Variants in GABRB3 observed in about 807,000 individuals in gnomAD.
The protein encoded by GABRB3 is gamma-aminobutyric acid receptor subunit beta-3.
Under a neutral mutation model 52.1 loss-of-function variants are expected in GABRB3, and 14 were observed. The observed-to-expected ratio is 0.27, with a 90% CI of 0.18 to 0.42. The LOEUF is 0.42. GABRB3 is among the 10% of genes least tolerant of loss of function. The pLI is 1.00. For synonymous variants in GABRB3, 260 were observed against 232.3 expected, an observed-to-expected ratio of 1.12 and a Z score of -1.08; for missense variants, 307 against 609.1, an observed-to-expected ratio of 0.50 and a Z score of 5.22.
intron 3 of GABRB3, among the ~76,000 whole-genome samples, chr15:26,726,021 C>T (rs1426555040): frequency 1.3e-5 from 2 of 152,138 alleles, no homozygotes; most frequent in Non-Finnish European, 2.9e-5. Flanking sequence ...CATTTTACTC[C>T]TCATTGTGGG....
At chr15:26,747,822 A>G (rs1472534930) in intron 3 of GABRB3, among the ~76,000 whole-genome samples, 1 of 152,098 alleles carries the variant, frequency 6.6e-6, no homozygotes, top group Non-Finnish European at 1.5e-5. Context: ...TGACAGCTGT[A>G]GGATTTTTGT....
chr15:26,555,934 G>T (rs983658203), intron 8 of GABRB3, among the ~76,000 whole-genome samples: 3 of 151,920 alleles, frequency 2.0e-5, no homozygotes, highest in Non-Finnish European at 2.9e-5. Flanking sequence ...AGAACTAAAG[G>T]GTTACTAAAA....
chr15:26,624,826 GC>G, intron 3 of GABRB3: 1 of 985,398 alleles, frequency 1.0e-6, no homozygotes, highest in East Asian at 1.1e-4. Flanking sequence ...CTCTCGTGCA[GC>G]CGGGAGTAGC....
chr15:26,656,041 A>T (rs1030415696), intron 3 of GABRB3, among the ~76,000 whole-genome samples: 2 of 152,072 alleles, frequency 1.3e-5, no homozygotes, highest in East Asian at 3.9e-4. Context: ...TTTGCCTCTC[A>T]TCTCTTCGTT....
At chr15:26,732,842 T>C (rs1889969239) in intron 3 of GABRB3, among the ~76,000 whole-genome samples, 1 of 152,090 alleles carries the variant, frequency 6.6e-6, no homozygotes, top group Admixed American at 6.6e-5. Flanking sequence ...ACAATTCTTT[T>C]TTTTAATTAG....
At chr15:26,653,228 G>A (rs1950045069) in intron 3 of GABRB3, among the ~76,000 whole-genome samples, 1 of 152,172 alleles carries the variant, frequency 6.6e-6, no homozygotes, top group South Asian at 2.1e-4. Context: ...CCACAAGATT[G>A]GAAATTAGGG....
chr15:26,642,413 GTA>G, intron 3 of GABRB3: 4 of 1,176,076 alleles, frequency 3.4e-6, no homozygotes, highest in Non-Finnish European at 4.5e-6. Context: ...GGGCAACTGT[GTA>G]TATATATGTA....
At chr15:26,625,662 G>A (rs1253541236) in intron 3 of GABRB3, 4 of 180,816 alleles carry the variant, frequency 2.2e-5, no homozygotes, top group African/African-American at 4.8e-5. Flanking sequence ...CTTAATGCTC[G>A]AGGTGGACTC....
intron 4 of GABRB3, among the ~76,000 whole-genome samples, chr15:26,594,696 G>A (rs966184689): frequency 3.9e-5 from 6 of 151,986 alleles, no homozygotes; most frequent in African/African-American, 1.5e-4. Context: ...TTATTTATTT[G>A]GTAGAGATGG....
At chr15:26,624,649 G>C in intron 3 of GABRB3, 1 of 985,484 alleles carries the variant, frequency 1.0e-6, no homozygotes, top group Non-Finnish European at 1.2e-6. Flanking sequence ...AACAGCAAGA[G>C]GGAAAAAACA....
chr15:26,725,255 G>C (rs1049944664), intron 3 of GABRB3, among the ~76,000 whole-genome samples: 1 of 152,132 alleles, frequency 6.6e-6, no homozygotes, highest in South Asian at 2.1e-4. Flanking sequence ...TTCTGGGAAG[G>C]TACTAAGTAG....
At chr15:26,764,168 AAAAAAAAAAAAATATATATATATAT>A (rs1890911722) in intron 3 of GABRB3, among the ~76,000 whole-genome samples, 3 of 25,384 alleles carry the variant, frequency 1.2e-4, no homozygotes, top group Admixed American at 5.7e-4. Context: ...AAAAAAAAAA[AAAAAAAAAAAAATATATATATATAT>A]ATATATATAT....
chr15:26,656,223 A>G lies in GABRB3; in HGVS notation c.241-34689T>C, dbSNP rs578168480. The stretch of plus-strand genomic sequence containing the variant: ...CCTGGGCTTCAGCCTCCACACTTGT[A>G]AAAAAGGGAGCCAGTTGTCGTCTCT... On this transcript the variant is annotated intron_variant, in intron 3 of 8. Coordinates refer to ENST00000311550, the MANE Select transcript of GABRB3 (RefSeq NM_000814.6). Among the ~76,000 whole-genome samples, 211 of 152,242 alleles carry G rather than the reference A, an allele frequency of 1.4e-3. 1 individual carries two copies. Among genetic ancestry groups the G allele is most frequent in the African/African-American group, 4.9e-3 (205 of 41,538 alleles).
At chr15:26,644,055 GAA>G (rs1893284683) in intron 3 of GABRB3, among the ~76,000 whole-genome samples, 1 of 152,180 alleles carries the variant, frequency 6.6e-6, no homozygotes, top group African/African-American at 2.4e-5. Flanking sequence ...GTGAGGGAAG[GAA>G]TTCCAGGCTG....
intron 4 of GABRB3, chr15:26,616,110 A>G (rs767856895): frequency 7.7e-5 from 98 of 1,273,640 alleles, no homozygotes; most frequent in Non-Finnish European, 9.5e-5. Flanking sequence ...ACACTGGCCC[A>G]CTCCGGGCCT....
At chr15:26,745,668 T>C in intron 3 of GABRB3, among the ~76,000 whole-genome samples, 1 of 152,232 alleles carries the variant, frequency 6.6e-6, no homozygotes, top group Non-Finnish European at 1.5e-5. Flanking sequence ...CAACCACTAA[T>C]GTGTCCTCTT....
rs530396900 is a variant in GABRB3, at chr15:26,628,587, C to T, written c.241-7053G>A. On this transcript the variant is annotated intron_variant, in intron 3 of 8. Coordinates refer to ENST00000311550, the MANE Select transcript of GABRB3 (RefSeq NM_000814.6). ...AGATTCAGCTATGTGAAGGGAAGGG[C>T]GGCTGCCCCTGGAGGGCCAGTCTTG... 6.6e-5 allele frequency among the ~76,000 whole-genome samples: 10 copies of T among 152,246 alleles called. No individual in the cohort carries two copies. In the South Asian group the frequency reaches 1.7e-3, roughly 25 times the overall value.
intron 3 of GABRB3, among the ~76,000 whole-genome samples, chr15:26,723,363 T>C (rs1889691805): frequency 6.6e-6 from 1 of 152,250 alleles, no homozygotes; most frequent in Non-Finnish European, 1.5e-5. Flanking sequence ...CACATCCTGA[T>C]AAGTGTGGAA....
intron 4 of GABRB3, among the ~76,000 whole-genome samples, chr15:26,606,805 T>TAGATAGATAGATAGATATATCGATAG (rs1398253433): frequency 4.2e-5 from 5 of 117,950 alleles, no homozygotes; most frequent in Admixed American, 1.8e-4. Context: ...TAGATATATC[T>TAGATAGATAGATAGATATATCGATAG]ATAGATAGAT....
Sources: gnomAD v4.1 joint callset for allele counts (sites outside exome capture counted in the v4.1 genomes callset) on GRCh38, gnomAD v4.1.1 for gene constraint, MANE v1.5 for transcripts, NCBI Gene and HGNC (gene_info 2026-07-23, HGNC 2026-07-21) for gene names.